The following TMPRSS7 variants were observed in gnomAD, a reference collection of about 807,000 sequenced individuals.
TMPRSS7 encodes the protein transmembrane protease serine 7.
In TMPRSS7, 81 loss-of-function variants were observed where a neutral mutation model predicts 95.6. That is an observed-to-expected ratio of 0.85 (90% confidence interval 0.71 to 1.02). The LOEUF (loss-of-function observed/expected upper bound fraction) is 1.02. Among genes scored for constraint, TMPRSS7 ranks in the 50% least tolerant of loss-of-function variants. The probability of loss-of-function intolerance (pLI) is 0.00; values close to 1 mark genes in which losing one functional copy is unlikely to be tolerated. For synonymous variants in TMPRSS7, 364 were observed against 337.8 expected, an observed-to-expected ratio of 1.08 and a Z score of -0.85; for missense variants, 945 against 955.2, an observed-to-expected ratio of 0.99 and a Z score of 0.14.
chr3:112,080,846 T>C lies in TMPRSS7; in HGVS notation c.2362-68T>C, dbSNP rs932463886. ...GGACTCTTGAACACAATTCATTAGATACAATAAAGATGAAACTGATGATCA... is the reference window on the plus strand; with the variant it reads ...GGACTCTTGAACACAATTCATTAGACACAATAAAGATGAAACTGATGATCA... On this transcript the variant is annotated intron_variant, in intron 17 of 17. Coordinates refer to ENST00000452346, the Ensembl canonical transcript of TMPRSS7. The C allele has an allele frequency of 4.7e-6, 7 of 1,481,590 alleles. No homozygotes were observed. The African/African-American group carries it at 7.1e-5, about 15-fold the overall frequency. The allele number at this position is 1,481,590 out of a possible 1,614,324, so 91.8% of individuals were successfully genotyped here.
rs189092747 is a variant in TMPRSS7, at chr3:112,046,199, T to G, written c.691+256T>G. On this transcript the variant is annotated intron_variant, in intron 5 of 17. Transcript: ENST00000452346. ...TATTACTGTGTACCTCTACCTACCT[T>G]TATTCAGGTCATGCATCATCAAACT... Among the ~76,000 whole-genome samples, 385 of 152,276 alleles carry G rather than the reference T, an allele frequency of 2.5e-3. 3 individuals carry two copies. The highest frequency in any genetic ancestry group is 8.6e-3 in the African/African-American group (358 of 41,538).
At chr3:112,050,695 A>C (rs188312204) in exon 9 of TMPRSS7, 3 of 1,605,118 alleles carry the variant, frequency 1.9e-6, no homozygotes, top group Non-Finnish European at 2.5e-6. Flanking sequence ...GTGTTGGTCA[A>C]AGACATCACT....
chr3:112,044,367 A>G (rs760490217), intron 4 of TMPRSS7, 45 bp downstream of exon 4: 2 of 1,479,928 alleles, frequency 1.4e-6, no homozygotes, highest in South Asian at 1.2e-5. Context: ...TCATTGTTCT[A>G]AAGTCCATTC....
intron 2 of TMPRSS7, among the ~76,000 whole-genome samples, chr3:112,040,075 T>G (rs1036698022): frequency 9.9e-5 from 15 of 151,966 alleles, no homozygotes; most frequent in African/African-American, 3.4e-4. Flanking sequence ...AGAAGTGTTA[T>G]GGGTAGAGAA....
intron 13 of TMPRSS7, among the ~76,000 whole-genome samples, chr3:112,071,660 T>C (rs1351987857): frequency 6.6e-6 from 1 of 152,188 alleles, no homozygotes; most frequent in Non-Finnish European, 1.5e-5. Context: ...TACTCTTTCT[T>C]CTCTAAACTT....
chr3:112,049,274 C>T (rs2073316216), intron 7 of TMPRSS7, among the ~76,000 whole-genome samples: 1 of 152,224 alleles, frequency 6.6e-6, no homozygotes, highest in Non-Finnish European at 1.5e-5. Flanking sequence ...GCCGCTTGCT[C>T]TGGCCCACTC....
intron 2 of TMPRSS7, among the ~76,000 whole-genome samples, chr3:112,039,132 C>T (rs1319445865): frequency 1.3e-5 from 2 of 152,186 alleles, no homozygotes; most frequent in Admixed American, 6.5e-5. Flanking sequence ...GGACAGGTGT[C>T]ATAACTAAGC....
rs1425223343 is a variant in TMPRSS7 at position 112,057,056 on chromosome 3, A to G, written c.1235A>G (p.Lys412Arg). The G allele has an allele frequency of 3.7e-6, 6 of 1,612,278 alleles. No individual in the cohort carries two copies. The African/African-American group carries it at 8.0e-5, about 22-fold the overall frequency. Residue 412 changes from lysine to arginine, a missense_variant, in exon 10 of 18, where the codon AAA becomes AGA. Lys to Arg is a conservative substitution (Grantham distance 26). Coordinates refer to ENST00000452346, the Ensembl canonical transcript of TMPRSS7. ...CTATCAACTCTTGGCATAGCACTGAAATTCTATAACTATTCAATAACCAAG... is the reference window on the plus strand; with the variant it reads ...CTATCAACTCTTGGCATAGCACTGAGATTCTATAACTATTCAATAACCAAG...
At chr3:112,052,993 G>A (rs11711986) in intron 9 of TMPRSS7, among the ~76,000 whole-genome samples, 31,264 of 151,854 alleles carry the variant, frequency 0.21, 3,753 homozygotes, top group South Asian at 0.28. Flanking sequence ...GAGAAAGGAG[G>A]CAGGAAACAG....
At chr3:112,040,480 C>T (rs1302640100) in intron 2 of TMPRSS7, among the ~76,000 whole-genome samples, 1 of 152,078 alleles carries the variant, frequency 6.6e-6, no homozygotes, top group African/African-American at 2.4e-5. Context: ...TGTGTTGGGT[C>T]CTGGGGTAGG....
intron 9 of TMPRSS7, among the ~76,000 whole-genome samples, chr3:112,051,668 C>CTATCATCTATCTATCTATCT (rs61097993): frequency 8.6e-4 from 110 of 128,070 alleles, no homozygotes; most frequent in South Asian, 6.1e-3. Context: ...ATCTATCTAT[C>CTATCATCTATCTATCTATCT]ATCTATCTAT....
intron 13 of TMPRSS7, among the ~76,000 whole-genome samples, chr3:112,071,038 C>T (rs1455984469): frequency 6.6e-6 from 1 of 152,192 alleles, no homozygotes; most frequent in Non-Finnish European, 1.5e-5. Flanking sequence ...TTCTTCATAG[C>T]ATCGATGACC....
intron 10 of TMPRSS7, among the ~76,000 whole-genome samples, chr3:112,059,092 T>G (rs1230270607): frequency 6.6e-6 from 1 of 152,170 alleles, no homozygotes; most frequent in Non-Finnish European, 1.5e-5. Flanking sequence ...TGATCTCCTC[T>G]AGACAGCCTG....
intron 12 of TMPRSS7, 67 bp downstream of exon 12, chr3:112,063,699 C>T: frequency 7.9e-7 from 1 of 1,268,012 alleles, no homozygotes; most frequent in African/African-American, 1.5e-5. Flanking sequence ...ATGATTGCTG[C>T]TGATATATAT....
intron 13 of TMPRSS7, among the ~76,000 whole-genome samples, chr3:112,067,189 C>A (rs187883376): frequency 0.03 from 4,562 of 152,216 alleles, 192 homozygotes; most frequent in African/African-American, 0.088. Flanking sequence ...ATAGTATTCT[C>A]TGGTGTATAT....
At chr3:112,070,281 G>C (rs1375111587) in intron 13 of TMPRSS7, among the ~76,000 whole-genome samples, 2 of 152,210 alleles carry the variant, frequency 1.3e-5, no homozygotes, top group Non-Finnish European at 2.9e-5. Flanking sequence ...AGTGTGATGT[G>C]GTGCTGATAA....
chr3:112,062,385 A>C (rs1262355801), intron 11 of TMPRSS7, among the ~76,000 whole-genome samples: 1 of 152,188 alleles, frequency 6.6e-6, no homozygotes, highest in East Asian at 1.9e-4. Flanking sequence ...CAGAATATTG[A>C]GTTTGAAATT....
chr3:112,054,347 A>G (rs1199223891), intron 9 of TMPRSS7, among the ~76,000 whole-genome samples: 1 of 152,260 alleles, frequency 6.6e-6, no homozygotes, highest in Non-Finnish European at 1.5e-5. Flanking sequence ...AGAAACAGAG[A>G]ACACAGAACA....
chr3:112,045,141 A>G (rs1230899232), intron 4 of TMPRSS7, among the ~76,000 whole-genome samples: 4 of 152,064 alleles, frequency 2.6e-5, no homozygotes, highest in African/African-American at 7.2e-5. Flanking sequence ...AAACATTGTA[A>G]TGGTTTTAAT....
Sources: gnomAD v4.1 joint callset for allele counts (sites outside exome capture counted in the v4.1 genomes callset) on GRCh38, gnomAD v4.1.1 for gene constraint, MANE v1.5 for transcripts, NCBI Gene and HGNC (gene_info 2026-07-23, HGNC 2026-07-21) for gene names.